Variants in TSPEAR observed in about 807,000 individuals in gnomAD.
The protein encoded by TSPEAR is thrombospondin-type laminin G domain and EAR repeat-containing protein.
In TSPEAR, 69 loss-of-function variants were observed where a neutral mutation model predicts 71.6. The observed-to-expected ratio is 0.96, with a 90% confidence interval of 0.79 to 1.18. TSPEAR has a LOEUF of 1.18. Ranked by LOEUF, TSPEAR falls within the 50% of genes most tolerant of loss-of-function variation. The pLI, the probability that TSPEAR is intolerant of heterozygous loss-of-function variation, is 0.00. For missense variants in TSPEAR, 971 were observed against 894.9 expected (o/e 1.09, Z -1.09); for synonymous variants, 402 against 387.2 (o/e 1.04, Z -0.45).
intron 7 of TSPEAR, 112 bp downstream of exon 7, chr21:44,527,180 T>C (rs2052873483): frequency 1.1e-5 from 11 of 989,474 alleles, no homozygotes; most frequent in Non-Finnish European, 1.7e-5. Context: ...CTGAACGAGG[T>C]GACACCGTGA....
At chr21:44,629,163 C>T (rs1983101502) in intron 1 of TSPEAR, among the ~76,000 whole-genome samples, 1 of 152,228 alleles carries the variant, frequency 6.6e-6, no homozygotes, top group Non-Finnish European at 1.5e-5. Flanking sequence ...ATGCCGCCCA[C>T]TCTTCTCGCC....
rs1196797350 is a variant in TSPEAR at position 44,591,869 on chromosome 21, G to T, written c.83-23864C>A. On this transcript the variant is annotated intron_variant, in intron 1 of 11. Coordinates refer to ENST00000323084, the MANE Select transcript of TSPEAR (RefSeq NM_144991.3). ...CAGCTAGACTGCTGGCAGCATGAGG[G>T]TGTGCAGGAGCTGGTGCAGCCTGAT... 6.3e-6 allele frequency: 10 copies of T among 1,591,038 alleles called. No individual in the cohort carries two copies. In the Admixed American group the frequency reaches 1.2e-4, roughly 20 times the overall value.
intron 1 of TSPEAR, chr21:44,697,973 C>T (rs782256873): frequency 6.3e-7 from 1 of 1,587,524 alleles, no homozygotes; most frequent in Admixed American, 1.7e-5. Context: ...CAGCTGCTGC[C>T]AGGCATGTCC....
chr21:44,558,137 G>C (rs1322538128), intron 2 of TSPEAR: 1 of 1,613,236 alleles, frequency 6.2e-7, no homozygotes, highest in Non-Finnish European at 8.5e-7. Flanking sequence ...GGGACACGCA[G>C]GAGGCCGGGC....
chr21:44,557,897 A>G (rs2053559888), intron 2 of TSPEAR: 1 of 907,512 alleles, frequency 1.1e-6, no homozygotes, highest in East Asian at 2.6e-5. Context: ...GGAGAGATGC[A>G]TGCCTGGAGG....
At chr21:44,576,472 A>G (rs1469772628) in intron 1 of TSPEAR, among the ~76,000 whole-genome samples, 3 of 150,966 alleles carry the variant, frequency 2.0e-5, no homozygotes, top group African/African-American at 7.4e-5. Context: ...GAGGGGGCAA[A>G]CCTCATGGGT....
At chr21:44,577,256 A>G (rs587773946) in intron 1 of TSPEAR, among the ~76,000 whole-genome samples, 1 of 152,354 alleles carries the variant, frequency 6.6e-6, no homozygotes, top group Non-Finnish European at 1.5e-5. Flanking sequence ...AAAAATAACT[A>G]GAAATAATAA....
intron 1 of TSPEAR, among the ~76,000 whole-genome samples, chr21:44,621,523 T>C (rs1164837633): frequency 6.6e-6 from 1 of 152,190 alleles, no homozygotes; most frequent in Admixed American, 6.5e-5. Flanking sequence ...GGCTGGCCCC[T>C]CCCCAGTAGG....
At chr21:44,610,177 T>C (rs1365434126) in intron 1 of TSPEAR, among the ~76,000 whole-genome samples, 6 of 152,138 alleles carry the variant, frequency 3.9e-5, no homozygotes, top group African/African-American at 9.7e-5. Context: ...TAGGGAGAAA[T>C]TCAAGCCGGA....
intron 1 of TSPEAR, chr21:44,638,276 G>T (rs1295625539): frequency 3.5e-5 from 52 of 1,467,294 alleles, no homozygotes; most frequent in Non-Finnish European, 3.4e-5. Context: ...AGAAGGTGGG[G>T]CAGGCTCTTT....
intron 1 of TSPEAR, chr21:44,601,058 G>C: frequency 6.2e-6 from 10 of 1,612,466 alleles, no homozygotes; most frequent in Non-Finnish European, 8.5e-6. Flanking sequence ...TCAGCTTGCT[G>C]CACCTCCTCC....
intron 1 of TSPEAR, chr21:44,646,917 G>A (rs368758792): frequency 2.5e-6 from 4 of 1,611,990 alleles, no homozygotes; most frequent in Non-Finnish European, 3.4e-6. Flanking sequence ...TCTGCTGCAA[G>A]CCTGTGTGCT....
Position 44,499,593 on chromosome 21 carries a change from A to C in TSPEAR, c.*190T>G. Reference sequence around the variant, plus strand: ...CAGACCGTCACTGGGGCTGTGGCTCAGAAGGACTCAGAGGTGGATGGATGT... The same window carrying C: ...CAGACCGTCACTGGGGCTGTGGCTCCGAAGGACTCAGAGGTGGATGGATGT... On this transcript the variant is annotated 3_prime_UTR_variant, in exon 12 of 12. Transcript: ENST00000323084. The C allele has an allele frequency of 1.8e-6, 1 of 566,874 alleles. No homozygotes were observed. Among genetic ancestry groups the C allele is most frequent in the Non-Finnish European group, 3.0e-6 (1 of 333,080 alleles). 35.1% of individuals were successfully genotyped at this position (566,874 alleles called of 1,614,324 possible).
rs138568643 is a variant in TSPEAR, at chr21:44,558,825, A to C, written c.303+8960T>G. The C allele has an allele frequency of 5.0e-6, 7 of 1,389,570 alleles. No homozygotes were observed. In the African/African-American group the frequency reaches 1.0e-4, roughly 20 times the overall value. 86.1% of individuals were successfully genotyped at this position (1,389,570 alleles called of 1,614,324 possible). ...AGGCCTCTGAGTGGTCGGAACCTTT[A>C]TACCCCTCTGTGTTGATTGTGCTGC... On this transcript the variant is annotated intron_variant, in intron 2 of 11. Transcript: ENST00000323084.
At position 44,528,595 on chromosome 21, in the gene TSPEAR, A is replaced by G; in HGVS notation, c.791-12T>C. 1 of 1,612,872 alleles carries G rather than the reference A, an allele frequency of 6.2e-7. No individual in the cohort carries two copies. ...TCGAATGTTGGTTTCTGAGGGGAAG[A>G]CCAGGAAGATGAGTTTCCAGCAAGC... On this transcript the variant is annotated splice_polypyrimidine_tract_variant and intron_variant, in intron 5 of 11. Coordinates refer to ENST00000323084, the MANE Select transcript of TSPEAR (RefSeq NM_144991.3).
At chr21:44,666,922 C>T in intron 1 of TSPEAR, 5 of 1,597,094 alleles carry the variant, frequency 3.1e-6, no homozygotes, top group Non-Finnish European at 4.3e-6. Flanking sequence ...AGGCAGAGGG[C>T]AGTGATGTCT....
intron 11 of TSPEAR, among the ~76,000 whole-genome samples, chr21:44,502,664 A>G (rs1555911207): frequency 6.6e-6 from 1 of 152,218 alleles, no homozygotes; most frequent in African/African-American, 2.4e-5. Flanking sequence ...TTGTGGCTAC[A>G]CCCGGGGCAG....
rs200116105 is a variant in TSPEAR, at chr21:44,511,622, C to T, written c.1567-2236G>A. 9.8e-5 allele frequency among the ~76,000 whole-genome samples: 15 copies of T among 152,364 alleles called. No individual in the cohort carries two copies. The East Asian group carries it at 2.9e-3, about 29-fold the overall frequency. ...TGACATCTACACACACACATGCACC[C>T]ACACAGCACAGCTCTCCCCACATTG... On this transcript the variant is annotated intron_variant, in intron 9 of 11. Coordinates refer to ENST00000323084, the MANE Select transcript of TSPEAR (RefSeq NM_144991.3).
At chr21:44,595,157 A>C (rs782663395) in intron 1 of TSPEAR, among the ~76,000 whole-genome samples, 4 of 152,078 alleles carry the variant, frequency 2.6e-5, no homozygotes, top group Non-Finnish European at 5.9e-5. Context: ...ACAAGCAGTC[A>C]CCCAATTCTC....
Sources: allele counts gnomAD v4.1 joint callset (sites outside exome capture counted in the v4.1 genomes callset), GRCh38; gene constraint gnomAD v4.1.1; transcripts MANE v1.5; gene names NCBI Gene and HGNC (gene_info 2026-07-23, HGNC 2026-07-21).